The following SARDH variants were observed in gnomAD, a reference collection of about 807,000 sequenced individuals.
The protein encoded by SARDH is sarcosine dehydrogenase, mitochondrial.
SARDH carries 95 observed loss-of-function variants against 109.1 expected under a neutral mutation model. That is an observed-to-expected ratio of 0.87 (90% CI 0.74 to 1.03). SARDH has a LOEUF of 1.03. Among genes scored for constraint, SARDH ranks in the 50% least tolerant of loss-of-function variants. The pLI is 0.00. For missense variants in SARDH, 1,267 were observed against 1,287.8 expected (o/e 0.98, Z 0.25); for synonymous variants, 572 against 534.8 (o/e 1.07, Z -0.96).
rs759764192 is a variant in SARDH at position 133,670,711 on chromosome 9, G to C, written c.2368C>G (p.Pro790Ala). Residue 790 changes from proline to alanine, a missense_variant, in exon 19 of 21, where the codon CCC becomes GCC. Pro to Ala is a conservative substitution (Grantham distance 27). Coordinates refer to ENST00000439388, the MANE Select transcript of SARDH (RefSeq NM_001134707.2). ...WHADLRPDDS[P>A]LEAGLAFTCK... ...GTGAAGGCCAGGCCTGCCTCCAGGGGGCTGTCGTCTGGCCGCAGGTCCGCG... is the reference window on the plus strand; with the variant it reads ...GTGAAGGCCAGGCCTGCCTCCAGGGCGCTGTCGTCTGGCCGCAGGTCCGCG... 1 of 1,602,168 alleles carries C rather than the reference G, an allele frequency of 6.2e-7. No homozygotes were observed. Among genetic ancestry groups the C allele is most frequent in the South Asian group, 1.1e-5 (1 of 89,558 alleles).
At position 133,674,521 on chromosome 9, in the gene SARDH, T is replaced by C. The variant is rs182970959; in HGVS notation, c.2164-2824A>G. On this transcript the variant is annotated intron_variant, in intron 17 of 20. Transcript: ENST00000439388. ...CCCTTTCCACATCCTGAAAATTCCA[T>C]GCCAAAAAAGCCTGCTGAAACTATT... Among the ~76,000 whole-genome samples the C allele has an allele frequency of 3.1e-4, 47 of 152,346 alleles. No individual in the cohort carries two copies. The South Asian group carries it at 7.0e-3, about 23-fold the overall frequency.
chr9:133,710,490 C>T (rs1831877202), intron 10 of SARDH, among the ~76,000 whole-genome samples: 1 of 152,242 alleles, frequency 6.6e-6, no homozygotes. Context: ...GACGCCCCCT[C>T]GCTGTGCGTG....
intron 15 of SARDH, among the ~76,000 whole-genome samples, chr9:133,691,134 C>T (rs56018224): frequency 2.3e-3 from 349 of 151,114 alleles, no homozygotes; most frequent in Non-Finnish European, 3.7e-3. Context: ...GAATCCTCAG[C>T]TCTATTCAGA....
chr9:133,685,885 C>A (rs1830867366), intron 16 of SARDH, among the ~76,000 whole-genome samples: 1 of 152,234 alleles, frequency 6.6e-6, no homozygotes, highest in Non-Finnish European at 1.5e-5. Context: ...GCTCTGTTCC[C>A]TGACCTAACC....
rs1000880707 is a variant in SARDH, at chr9:133,728,307, C to G, written c.915+1458G>C. 6.6e-6 allele frequency among the ~76,000 whole-genome samples: 1 copy of G among 152,162 alleles called. No homozygotes were observed. Among genetic ancestry groups the G allele is most frequent in the East Asian group, 1.9e-4 (1 of 5,194 alleles). On this transcript the variant is annotated intron_variant, in intron 6 of 20. Coordinates refer to ENST00000439388, the MANE Select transcript of SARDH (RefSeq NM_001134707.2). The surrounding 1 kb of genome is among the most constrained non-coding windows in gnomAD (Gnocchi z 5.0). ...GAAGCAGCCAAGCCTGGTACCTCCC[C>G]GGTGACCATAGGGAAGCCAGGCTGG...
chr9:133,696,149 G>T, intron 14 of SARDH, 74 bp downstream of exon 14: 1 of 1,581,032 alleles, frequency 6.3e-7, no homozygotes, highest in Non-Finnish European at 8.6e-7. Flanking sequence ...AGGGTGGCTT[G>T]CCAGCTCATC....
chr9:133,680,164 C>G (rs184038895), intron 17 of SARDH, among the ~76,000 whole-genome samples: 1 of 152,172 alleles, frequency 6.6e-6, no homozygotes, highest in Admixed American at 6.5e-5. Context: ...TGGAAAGGCC[C>G]GGAAAGAATT....
At chr9:133,733,079 G>C (rs1832743013) in intron 2 of SARDH, among the ~76,000 whole-genome samples, 1 of 152,190 alleles carries the variant, frequency 6.6e-6, no homozygotes, top group African/African-American at 2.4e-5. Flanking sequence ...GCAGGCCAGG[G>C]GTGTGGCTGG....
chr9:133,667,680 G>A (rs1398040500), intron 19 of SARDH, among the ~76,000 whole-genome samples: 1 of 152,126 alleles, frequency 6.6e-6, no homozygotes, highest in African/African-American at 2.4e-5. Flanking sequence ...GGTTATCACG[G>A]CGGCAGCTAT....
intron 17 of SARDH, among the ~76,000 whole-genome samples, chr9:133,672,270 T>TTA (rs1362394277): frequency 6.6e-6 from 1 of 152,222 alleles, no homozygotes; most frequent in Non-Finnish European, 1.5e-5. Flanking sequence ...ACTTAGGACC[T>TTA]TCCCTAGCCC....
chr9:133,665,044 T>C (rs959330220), intron 20 of SARDH, among the ~76,000 whole-genome samples: 5 of 152,206 alleles, frequency 3.3e-5, no homozygotes, highest in Admixed American at 2.6e-4. Flanking sequence ...TGCTAGAAAA[T>C]GTTTAACAAC....
At chr9:133,670,812 A>G (rs1465347417) in intron 18 of SARDH, 60 bp from the exon 19 acceptor site, 7 of 1,476,378 alleles carry the variant, frequency 4.7e-6, no homozygotes, top group Non-Finnish European at 6.3e-6. Context: ...CCTTCAGGAG[A>G]TGCATGAGGA....
At chr9:133,683,480 G>A (rs1182598142) in intron 17 of SARDH, among the ~76,000 whole-genome samples, 7 of 152,194 alleles carry the variant, frequency 4.6e-5, no homozygotes, top group African/African-American at 1.2e-4. Context: ...CGTGGACCCC[G>A]GCCTGCTGGA....
intron 10 of SARDH, among the ~76,000 whole-genome samples, chr9:133,711,227 C>T (rs909632267): frequency 7.9e-5 from 12 of 152,194 alleles, no homozygotes; most frequent in Non-Finnish European, 1.5e-4. Context: ...ATTTTGCAGC[C>T]GAGGATACAG....
At chr9:133,735,403 C>G (rs1388091979) in intron 1 of SARDH, among the ~76,000 whole-genome samples, 1 of 152,204 alleles carries the variant, frequency 6.6e-6, no homozygotes, top group Non-Finnish European at 1.5e-5. Context: ...ATCTGCCCAG[C>G]CAGAAAAATC....
In SARDH at chr9:133,704,477, G is replaced by A. The variant is rs1402372825; in HGVS notation, c.1554+471C>T. 6.6e-6 allele frequency among the ~76,000 whole-genome samples: 1 copy of A among 152,216 alleles called. No individual in the cohort carries two copies. The highest frequency in any genetic ancestry group is 1.5e-5 in the Non-Finnish European group (1 of 68,034). ...GAGGACGCCCAGAGTCCAGGCCACT[G>A]TGAAACCTCCACTGGGAAACTGAGC... is the stretch of plus-strand genomic sequence containing the variant. On this transcript the variant is annotated intron_variant, in intron 12 of 20. Transcript: ENST00000439388. The surrounding 1 kb of genome is among the most constrained non-coding windows in gnomAD (Gnocchi z 4.5).
chr9:133,690,650 C>T (rs935354042), intron 15 of SARDH, 123 bp from the exon 16 acceptor site: 6 of 1,127,942 alleles, frequency 5.3e-6, no homozygotes, highest in Non-Finnish European at 7.6e-6. Context: ...TGTGCCTTCA[C>T]AGTGCCCAGG....
rs1313394024 is a variant in SARDH, at chr9:133,704,959, C to T, written c.1543G>A (p.Gly515Ser). The T allele has an allele frequency of 1.3e-6, 2 of 1,578,510 alleles. No individual in the cohort carries two copies. Among genetic ancestry groups the T allele is most frequent in the Admixed American group, 1.9e-5 (1 of 53,818 alleles). Residue 515 changes from glycine to serine, a missense_variant, in exon 12 of 21, where the codon GGC becomes AGC. Physicochemically the swap from Gly to Ser is moderately conservative, Grantham distance 56. Transcript: ENST00000439388. This position sits in a 1 kb window ranked among gnomAD's most constrained non-coding sequence, Gnocchi z 4.5. ...WERPGWFHPR[G>S]PAPVLEYDYY... ...CAGGCACTACTCACCGGAGCTGGGCCTCGGGGATGAAACCATCCCGGTCGC... is the reference window on the plus strand; with the variant it reads ...CAGGCACTACTCACCGGAGCTGGGCTTCGGGGATGAAACCATCCCGGTCGC...
In SARDH at chr9:133,685,233, G is replaced by C. The variant is rs780952882; in HGVS notation, c.2123C>G (p.Pro708Arg). Residue 708 changes from proline (P) to arginine (R), a missense_variant, in exon 17 of 21, where the codon CCG (proline) becomes CGG (arginine). By Grantham distance (103) the Pro-to-Arg change is moderately radical. Coordinates refer to ENST00000439388, the MANE Select transcript of SARDH (RefSeq NM_001134707.2). ...LDADLSNEAF[P>R]FSTHKLLRAA... The stretch of plus-strand genomic sequence containing the variant: ...TCTCAGTAGCTTGTGGGTGGAGAAC[G>C]GGAAGGCCTCGTTGCTCAGGTCTGC... 4 of 1,613,980 alleles carry C rather than the reference G, an allele frequency of 2.5e-6. No homozygotes were observed. The Admixed American group carries it at 6.7e-5, about 27-fold the overall frequency.
Sources: allele counts gnomAD v4.1 joint callset (sites outside exome capture counted in the v4.1 genomes callset), GRCh38; gene constraint gnomAD v4.1.1; non-coding constraint Gnocchi (gnomAD v3.1); transcripts MANE v1.5; gene names NCBI Gene and HGNC (gene_info 2026-07-23, HGNC 2026-07-21).